Variants in ZSCAN4 observed in about 807,000 individuals in gnomAD.
ZSCAN4 encodes the protein zinc finger and SCAN domain-containing protein 4.
ZSCAN4 carries 18 observed loss-of-function variants against 18.3 expected under a neutral mutation model. That is an observed-to-expected ratio of 0.98 (90% CI 0.68 to 1.46). The LOEUF is 1.46. Ranked by LOEUF, ZSCAN4 falls within the 40% of genes most tolerant of loss-of-function variation. The probability of loss-of-function intolerance (pLI) is 0.00; values close to 1 mark genes in which losing one functional copy is unlikely to be tolerated. For synonymous variants in ZSCAN4, 193 were observed against 180.3 expected, an observed-to-expected ratio of 1.07 and a Z score of -0.57; for missense variants, 498 against 511.4, an observed-to-expected ratio of 0.97 and a Z score of 0.25.
intron 2 of ZSCAN4, 28 bp downstream of exon 2, chr19:57,670,595 T>C (rs2122293049): frequency 6.6e-6 from 1 of 152,386 alleles, no homozygotes; most frequent in Admixed American, 6.5e-5. Flanking sequence ...AAGGAAAATT[T>C]TGTGCCTTTG....
intron 2 of ZSCAN4, among the ~76,000 whole-genome samples, chr19:57,675,156 T>C (rs2122303690): frequency 6.9e-6 from 1 of 145,190 alleles, no homozygotes; most frequent in Admixed American, 6.8e-5. Flanking sequence ...TTTTTTTTTT[T>C]TTTTTTTTTG....
chr19:57,669,419 TG>T (rs200102950), intron 1 of ZSCAN4, among the ~76,000 whole-genome samples: 4 of 107,644 alleles, frequency 3.7e-5, no homozygotes, highest in East Asian at 2.8e-4. Flanking sequence ...TTTGTATTTT[TG>T]TGTGTGTTTG....
the ZSCAN4 span, among the ~76,000 whole-genome samples, chr19:57,662,897 GTTGT>G: frequency 6.7e-6 from 1 of 150,154 alleles, no homozygotes; most frequent in Non-Finnish European, 1.5e-5. Context: ...TGTTGTTGTT[GTTGT>G]TTAACAGGCT....
chr19:57,673,669 C>T (rs561208477), intron 2 of ZSCAN4, among the ~76,000 whole-genome samples: 1 of 152,178 alleles, frequency 6.6e-6, no homozygotes, highest in Admixed American at 6.5e-5. Flanking sequence ...TCAACATCTT[C>T]CCATATGCCC....
intron 2 of ZSCAN4, among the ~76,000 whole-genome samples, chr19:57,673,554 C>T (rs1398654115): frequency 2.0e-5 from 3 of 152,058 alleles, no homozygotes; most frequent in Non-Finnish European, 4.4e-5. Flanking sequence ...ATCGCTTGAA[C>T]CCAGGAGGCT....
At chr19:57,677,179 T>C (rs571501277) in intron 3 of ZSCAN4, among the ~76,000 whole-genome samples, 48 of 152,342 alleles carry the variant, frequency 3.2e-4, no homozygotes, top group Admixed American at 2.1e-3. Flanking sequence ...AAAGAAGCAA[T>C]TACGGTAGAT....
chr19:57,669,259 C>G (rs904110626), intron 1 of ZSCAN4, 56 bp downstream of exon 1: 2 of 151,962 alleles, frequency 1.3e-5, no homozygotes, highest in African/African-American at 2.4e-5. Flanking sequence ...CCGGGTTTAA[C>G]CATGTTGGTC....
the ZSCAN4 span, among the ~76,000 whole-genome samples, chr19:57,654,523 T>C: frequency 3.3e-5 from 5 of 152,282 alleles, no homozygotes; most frequent in Admixed American, 2.6e-4. Flanking sequence ...AACTCATTCG[T>C]TGGAAATTCC....
chr19:57,665,645 CGCGGTGGCTCACTCCT>C (rs1379532081), upstream of ZSCAN4, among the ~76,000 whole-genome samples: 2 of 152,068 alleles, frequency 1.3e-5, no homozygotes, highest in Non-Finnish European at 2.9e-5. Flanking sequence ...CAAGGCCGGG[CGCGGTGGCTCACTCCT>C]GTAATCCCAA....
exon 5 of ZSCAN4, chr19:57,679,026 A>G: frequency 4.1e-6 from 5 of 1,216,634 alleles, no homozygotes; most frequent in Non-Finnish European, 5.4e-6. Flanking sequence ...GTCTTGCTTC[A>G]TTAAAATGTA....
At chr19:57,663,603 A>G in the ZSCAN4 span, among the ~76,000 whole-genome samples, 1 of 139,872 alleles carries the variant, frequency 7.1e-6, no homozygotes, top group East Asian at 2.2e-4. Context: ...GCTACTCGGG[A>G]GGCTGAGGTG....
At chr19:57,661,562 G>A in the ZSCAN4 span, among the ~76,000 whole-genome samples, 1 of 152,016 alleles carries the variant, frequency 6.6e-6, no homozygotes, top group Non-Finnish European at 1.5e-5. Context: ...TTTATTCAAT[G>A]GCATAAGTGG....
At chr19:57,674,968 T>G (rs1269437092) in intron 2 of ZSCAN4, among the ~76,000 whole-genome samples, 1 of 149,978 alleles carries the variant, frequency 6.7e-6, no homozygotes, top group Non-Finnish European at 1.5e-5. Context: ...TTTTTTTTTT[T>G]TTTTTTTTAA....
At chr19:57,672,110 T>C (rs1984042036) in intron 2 of ZSCAN4, among the ~76,000 whole-genome samples, 1 of 152,210 alleles carries the variant, frequency 6.6e-6, no homozygotes, top group African/African-American at 2.4e-5. Flanking sequence ...TAATCTGATT[T>C]GGGATTAGAA....
At chr19:57,655,382 G>A in the ZSCAN4 span, among the ~76,000 whole-genome samples, 2 of 152,134 alleles carry the variant, frequency 1.3e-5, no homozygotes, top group Non-Finnish European at 2.9e-5. Flanking sequence ...CCTTTACTCT[G>A]TATGTTCATT....
upstream of ZSCAN4, among the ~76,000 whole-genome samples, chr19:57,666,547 TA>T (rs1175559324): frequency 7.3e-6 from 1 of 137,782 alleles, no homozygotes; most frequent in Non-Finnish European, 1.6e-5. Context: ...CAATAAATAA[TA>T]AATAAATTGA....
At chr19:57,652,376 G>A in the ZSCAN4 span, among the ~76,000 whole-genome samples, 5 of 152,226 alleles carry the variant, frequency 3.3e-5, no homozygotes, top group South Asian at 4.1e-4. Flanking sequence ...TAAATCGTCC[G>A]GGGTGCCCTA....
At position 57,676,550 on chromosome 19, in the gene ZSCAN4, A is replaced by G; in HGVS notation, c.396+9A>G. ...TAAATCCACCTGCCTTAGTGAGTAC[A>G]GGGTTCTAACTTCTGGGATGAGAGA... On this transcript the variant is annotated intron_variant, in intron 3 of 4. Transcript: ENST00000318203. The G allele has an allele frequency of 1.2e-6, 2 of 1,601,168 alleles. No homozygotes were observed. The highest frequency in any genetic ancestry group is 2.2e-5 in the East Asian group (1 of 44,746).
At chr19:57,676,095 G>A in exon 3 of ZSCAN4, 1 of 1,525,586 alleles carries the variant, frequency 6.6e-7, no homozygotes. Flanking sequence ...GAGACACAAG[G>A]CAAGAGACTG....
Sources: gnomAD v4.1 joint callset for allele counts (sites outside exome capture counted in the v4.1 genomes callset) on GRCh38, gnomAD v4.1.1 for gene constraint, MANE v1.5 for transcripts, NCBI Gene and HGNC (gene_info 2026-07-23, HGNC 2026-07-21) for gene names.